The following ELMO2 variants were observed in gnomAD, a reference collection of about 807,000 sequenced individuals.
ELMO2 encodes engulfment and cell motility protein 2.
ELMO2 carries 37 observed loss-of-function variants against 96.2 expected under a neutral mutation model. The ratio of observed to expected loss-of-function variants is 0.38; its 90% confidence interval spans 0.30 to 0.51. ELMO2 has a LOEUF of 0.51. Among genes scored for constraint, ELMO2 ranks in the 20% least tolerant of loss-of-function variants. The probability of loss-of-function intolerance (pLI) is 0.88; values close to 1 mark genes in which losing one functional copy is unlikely to be tolerated. For synonymous variants in ELMO2, 315 were observed against 329.4 expected (o/e 0.96, Z 0.47); for missense variants, 561 against 912.6 (o/e 0.61, Z 4.96).
intron 11 of ELMO2, 120 bp downstream of exon 11, chr20:46,380,132 AT>A (rs1170632211): frequency 1.2e-6 from 1 of 814,344 alleles, no homozygotes; most frequent in African/African-American, 1.7e-5. Flanking sequence ...GTATTTACCT[AT>A]TGATAAGGTT....
chr20:46,404,962 G>A (rs1235929570), intron 1 of ELMO2, among the ~76,000 whole-genome samples: 1 of 152,128 alleles, frequency 6.6e-6, no homozygotes, highest in Non-Finnish European at 1.5e-5. Flanking sequence ...CATTCCAAAT[G>A]TCAGTTTCAT....
intron 11 of ELMO2, chr20:46,376,976 T>C (rs1217194357): frequency 5.2e-6 from 2 of 385,370 alleles, no homozygotes; most frequent in South Asian, 2.1e-5. Flanking sequence ...GCAATGCAGA[T>C]ACGGAACACT....
rs772557268 is a variant in ELMO2 at position 46,373,416 on chromosome 20, C to T, written c.1399G>A (p.Ala467Thr). 1 of 1,614,230 alleles carries T rather than the reference C, an allele frequency of 6.2e-7. No individual in the cohort carries two copies. The highest frequency in any genetic ancestry group is 1.7e-5 in the Admixed American group (1 of 60,026). Residue 467 changes from alanine (A) to threonine (T), a missense_variant, in exon 16 of 22, where the codon GCA becomes ACA. By Grantham distance (58) the Ala-to-Thr change is moderately conservative (BLOSUM62 0). Transcript: ENST00000290246. Reference sequence around the variant, plus strand: ...ACACTGACCTTGTTGAAGTCCTCTGCTGTTGCCCTCATCTCCTTCCAGGTC... The same window carrying T: ...ACACTGACCTTGTTGAAGTCCTCTGTTGTTGCCCTCATCTCCTTCCAGGTC... ...NKTWKEMRAT[A>T]EDFNKVMQVV...
chr20:46,367,119 C>T lies in ELMO2; in HGVS notation c.*241G>A, dbSNP rs893980451. ...GGCATCTGCTGTTTGTTCCTCGTGG[C>T]CCAATCCCAGGCTTCATGGTGATGG... On this transcript the variant is annotated 3_prime_UTR_variant, in exon 22 of 22. Coordinates refer to ENST00000290246, the MANE Select transcript of ELMO2 (RefSeq NM_133171.5). 10 of 382,642 alleles carry T rather than the reference C, an allele frequency of 2.6e-5. No individual in the cohort carries two copies. The highest frequency in any genetic ancestry group is 2.1e-4 in the African/African-American group (10 of 48,074). The allele number at this position is 382,642 out of a possible 1,614,324, so 23.7% of individuals were successfully genotyped here.
rs1169209768 is a variant in ELMO2, at chr20:46,371,468, C to T, written c.1694-9G>A. The T allele has an allele frequency of 1.2e-6, 2 of 1,614,172 alleles. No homozygotes were observed. The highest frequency in any genetic ancestry group is 1.6e-4 in the Middle Eastern group (1 of 6,062). On this transcript the variant is annotated splice_polypyrimidine_tract_variant and intron_variant, in intron 18 of 21. Transcript: ENST00000290246. The surrounding 1 kb of genome is among the most constrained non-coding windows in gnomAD (Gnocchi z 5.9). ...GCAGTACCAGAACCGTTCTGGAACACAAGGGAAGCCAAACAGGTGAGCAAC... is the reference window on the plus strand; with the variant it reads ...GCAGTACCAGAACCGTTCTGGAACATAAGGGAAGCCAAACAGGTGAGCAAC...
chr20:46,385,671 A>T (rs1443764266), intron 9 of ELMO2, among the ~76,000 whole-genome samples: 1 of 152,252 alleles, frequency 6.6e-6, no homozygotes, highest in Non-Finnish European at 1.5e-5. Context: ...GTGAGCATTC[A>T]TTCAACAAGC....
chr20:46,389,395 T>G (rs2060111139), intron 6 of ELMO2, among the ~76,000 whole-genome samples, 175 bp from the exon 7 acceptor site: 1 of 152,210 alleles, frequency 6.6e-6, no homozygotes, highest in Non-Finnish European at 1.5e-5. Flanking sequence ...GAGTTATTAG[T>G]ATGCCAAAAC....
At chr20:46,382,679 T>C (rs1172480231) in intron 10 of ELMO2, among the ~76,000 whole-genome samples, 2 of 152,244 alleles carry the variant, frequency 1.3e-5, no homozygotes, top group East Asian at 3.8e-4. Flanking sequence ...GGTCAGTGTT[T>C]GTTCCACCAC....
At chr20:46,391,704 C>T (rs1191236737) in intron 6 of ELMO2, among the ~76,000 whole-genome samples, 1 of 152,160 alleles carries the variant, frequency 6.6e-6, no homozygotes, top group African/African-American at 2.4e-5. Context: ...GCACCTTCAA[C>T]CTTCCTCTCT....
Position 46,375,504 on chromosome 20 carries a change from G to T in ELMO2, c.931-134C>A. ...CTTAGGAGGCATCACCTCTACCACA[G>T]CAGGACAGAAATGGGCTTGGCTCAT... is the stretch of plus-strand genomic sequence containing the variant. On this transcript the variant is annotated intron_variant, in intron 12 of 21. Coordinates refer to ENST00000290246, the MANE Select transcript of ELMO2 (RefSeq NM_133171.5). The surrounding 1 kb of genome is among the most constrained non-coding windows in gnomAD (Gnocchi z 4.6). 2 of 1,479,474 alleles carry T rather than the reference G, an allele frequency of 1.4e-6. No homozygotes were observed. The highest frequency in any genetic ancestry group is 1.8e-6 in the Non-Finnish European group (2 of 1,092,376). 91.6% of individuals were successfully genotyped at this position (1,479,474 alleles called of 1,614,324 possible).
Position 46,375,050 on chromosome 20 carries a change from T to G in ELMO2, c.1065+186A>C, listed in dbSNP as rs536036593. On this transcript the variant is annotated intron_variant, in intron 13 of 21. Transcript: ENST00000290246. This position sits in a 1 kb window ranked among gnomAD's most constrained non-coding sequence, Gnocchi z 4.6. ...ATGGATTCGTTTCACAGGGCCAAAC[T>G]TTGCACATAAACTCACAGACTCACC... Among the ~76,000 whole-genome samples the G allele has an allele frequency of 1.3e-5, 2 of 152,262 alleles. No homozygotes were observed. The highest frequency in any genetic ancestry group is 3.9e-4 in the East Asian group (2 of 5,176).
chr20:46,371,756 C>A lies in ELMO2; in HGVS notation c.1580+50G>T. 1 of 1,613,854 alleles carries A rather than the reference C, an allele frequency of 6.2e-7. No homozygotes were observed. Among genetic ancestry groups the A allele is most frequent in the Non-Finnish European group, 8.5e-7 (1 of 1,179,786 alleles). On this transcript the variant is annotated intron_variant, in intron 17 of 21. Coordinates refer to ENST00000290246, the MANE Select transcript of ELMO2 (RefSeq NM_133171.5). The surrounding 1 kb of genome is among the most constrained non-coding windows in gnomAD (Gnocchi z 5.9). ...GGACAGTGGAGCTCTGGAAGGAAAG[C>A]AGAGCTGGCAGCCACCTCCCCCGCC...
intron 1 of ELMO2, among the ~76,000 whole-genome samples, chr20:46,404,312 T>C (rs2060387805): frequency 6.6e-6 from 1 of 152,218 alleles, no homozygotes; most frequent in Non-Finnish European, 1.5e-5. Context: ...CTGCTACATC[T>C]GGACACATTA....
intron 1 of ELMO2, among the ~76,000 whole-genome samples, chr20:46,401,428 A>G (rs1040914028): frequency 2.0e-5 from 3 of 152,128 alleles, no homozygotes; most frequent in Non-Finnish European, 4.4e-5. Flanking sequence ...AAAGCCACAA[A>G]CTTACATAGA....
chr20:46,369,257 CTG>C (rs1251089226), intron 20 of ELMO2: 2 of 301,020 alleles, frequency 6.6e-6, no homozygotes, highest in Non-Finnish European at 1.3e-5. Flanking sequence ...CGATCCATGA[CTG>C]TAAGTTATCC....
intron 7 of ELMO2, chr20:46,387,653 A>AAAAT (rs55680714): frequency 9.5e-6 from 2 of 211,502 alleles, no homozygotes; most frequent in Non-Finnish European, 9.7e-6. Context: ...AAAAAAAAAA[A>AAAAT]TGTTGCTGGG....
chr20:46,380,405 T>G (rs1391944757), intron 10 of ELMO2, 102 bp from the exon 11 acceptor site: 1 of 980,654 alleles, frequency 1.0e-6, no homozygotes. Flanking sequence ...TTTTTTGCTT[T>G]CTTAAATTTT....
chr20:46,393,715 G>T, intron 4 of ELMO2, 114 bp from the exon 5 acceptor site: 1 of 1,176,296 alleles, frequency 8.5e-7, no homozygotes, highest in Non-Finnish European at 1.2e-6. Context: ...TTGGAATACA[G>T]TGGAAACAAA....
chr20:46,366,498 T>G lies in ELMO2; in HGVS notation c.*862A>C, dbSNP rs2145742112. The G allele has an allele frequency of 6.5e-6, 1 of 152,806 alleles. No homozygotes were observed. Among genetic ancestry groups the G allele is most frequent in the East Asian group, 1.9e-4 (1 of 5,188 alleles). 9.5% of individuals were successfully genotyped at this position (152,806 alleles called of 1,614,324 possible). ...AAGGGAAGGCCAACTTCCTGGGGTC[T>G]GGAAGGCCAAAGGAAAGCAAACTGG... On this transcript the variant is annotated 3_prime_UTR_variant, in exon 22 of 22. Transcript: ENST00000290246.
Sources: gnomAD v4.1 joint callset for allele counts (sites outside exome capture counted in the v4.1 genomes callset) on GRCh38, gnomAD v4.1.1 for gene constraint, Gnocchi (gnomAD v3.1) non-coding constraint, MANE v1.5 for transcripts, NCBI Gene and HGNC (gene_info 2026-07-23, HGNC 2026-07-21) for gene names.